HDAC1: variants seen among roughly 807,000 people sequenced by gnomAD.
HDAC1 encodes the protein protein deacetylase HDAC1.
A neutral mutation model predicts 65.5 loss-of-function variants in HDAC1; 18 were observed. The observed-to-expected ratio is 0.27, with a 90% confidence interval of 0.19 to 0.41. HDAC1 has a LOEUF of 0.41. HDAC1 is among the 10% of genes least tolerant of loss of function. The probability of loss-of-function intolerance (pLI) is 1.00; values close to 1 mark genes in which losing one functional copy is unlikely to be tolerated. For missense variants in HDAC1, 373 were observed against 625.2 expected (o/e 0.60, Z 4.30); for synonymous variants, 211 against 227.9 (o/e 0.93, Z 0.67).
rs757624480 is a variant in HDAC1 at position 32,327,021 on chromosome 1, G to A, written c.438G>A (p.Glu146=). The change falls in exon 5 of 14, where the codon GAG becomes GAA. Residue 146 remains glutamate, a synonymous_variant. Transcript: ENST00000373548. This position sits in a 1 kb window ranked among gnomAD's most constrained non-coding sequence, Gnocchi z 6.0. ...GCCTGCACCATGCAAAGAAGTCCGA[G>A]GCATCTGGCTTCTGTTACGTCAATG... ...AGGLHHAKKS[E]ASGFCYVNDI... is the part of the protein sequence containing the mutation. The A allele has an allele frequency of 1.9e-6, 3 of 1,613,962 alleles. No homozygotes were observed. The highest frequency in any genetic ancestry group is 1.7e-5 in the Admixed American group (1 of 59,990).
At position 32,327,972 on chromosome 1, in the gene HDAC1, G is replaced by A. The variant is rs1036855475; in HGVS notation, c.636+295G>A. Among the ~76,000 whole-genome samples the A allele has an allele frequency of 2.0e-5, 3 of 152,190 alleles. No individual in the cohort carries two copies. The highest frequency in any genetic ancestry group is 7.2e-5 in the African/African-American group (3 of 41,450). On this transcript the variant is annotated intron_variant, in intron 6 of 13. Coordinates refer to ENST00000373548, the MANE Select transcript of HDAC1 (RefSeq NM_004964.3). This position sits in a 1 kb window ranked among gnomAD's most constrained non-coding sequence, Gnocchi z 6.0. ...TGTCTCATAAGCCTTGAGTTTGGGG[G>A]TAGGAATTGGGACTCTGAAGGACAT...
intron 2 of HDAC1, among the ~76,000 whole-genome samples, chr1:32,308,468 A>T (rs1000164454): frequency 3.3e-5 from 5 of 152,208 alleles, no homozygotes; most frequent in African/African-American, 7.2e-5. Flanking sequence ...AAAATACTCC[A>T]AGTGAGATTT....
At chr1:32,302,786 A>G (rs1004191726) in intron 2 of HDAC1, 53 bp downstream of exon 2, 2 of 817,274 alleles carry the variant, frequency 2.4e-6, no homozygotes, top group Admixed American at 1.7e-5. Flanking sequence ...CTGGTTCCCC[A>G]TATGCCATTC....
rs77379902 is a variant in HDAC1 at position 32,331,481 on chromosome 1, A to G, written c.987A>G (p.Pro329=). 796 of 1,601,194 alleles carry G rather than the reference A, an allele frequency of 5.0e-4. 4 individuals carry two copies. In the African/African-American group the frequency reaches 9.8e-3, roughly 20 times the overall value. Residue 329 remains proline (P), a synonymous_variant, in exon 10 of 14, where the codon CCA becomes CCG. Transcript: ENST00000373548. This position sits in a 1 kb window ranked among gnomAD's most constrained non-coding sequence, Gnocchi z 4.2. ...CTCTCCTGCCCCAATCAGAGCTTCC[A>G]TACAATGACTACTTTGAATACTTTG... ...ALDTEIPNEL[P]YNDYFEYFGP... is the part of the protein sequence containing the mutation.
rs76564537 is a variant in HDAC1 at position 32,306,609 on chromosome 1, C to T, written c.162+3876C>T. On this transcript the variant is annotated intron_variant, in intron 2 of 13. Transcript: ENST00000373548. The stretch of plus-strand genomic sequence containing the variant: ...GTAGCACTTCTTTTTAATTTAATTA[C>T]GATTTTGATATACATTTCACTAATT... 3.3e-3 allele frequency among the ~76,000 whole-genome samples: 503 copies of T among 152,170 alleles called. 2 individuals carry two copies. Among genetic ancestry groups the T allele is most frequent in the African/African-American group, 0.011 (477 of 41,526 alleles).
chr1:32,313,902 T>C (rs58115367), intron 2 of HDAC1, among the ~76,000 whole-genome samples: 11,167 of 152,222 alleles, frequency 0.073, 1,350 homozygotes, highest in African/African-American at 0.25. Context: ...GTTCCTTGTG[T>C]TGAGCTGCGG....
chr1:32,309,621 A>C (rs1640961557), intron 2 of HDAC1, among the ~76,000 whole-genome samples: 2 of 145,056 alleles, frequency 1.4e-5, no homozygotes, highest in Non-Finnish European at 3.0e-5. Context: ...TGGGTGGCGG[A>C]GATTGCAGTG....
In HDAC1 at chr1:32,331,963, TCCTC is replaced by T; in HGVS notation, c.1220-122_1220-119del. 1 of 1,377,608 alleles carries T rather than the reference TCCTC, an allele frequency of 7.3e-7. No individual in the cohort carries two copies. Among genetic ancestry groups the T allele is most frequent in the East Asian group, 2.5e-5 (1 of 40,722 alleles). The allele number at this position is 1,377,608 out of a possible 1,614,324, so 85.3% of individuals were successfully genotyped here. A position where few individuals can be genotyped will look rare whatever the true frequency, so the allele number is the denominator to read the frequency against. Reference sequence around the variant, plus strand: ...TAGGAACAGGTTAGGGAGCCCGAGTTCCTCCCTCTTCTGGTTCCCTTTCCCTTGG... The same window carrying T: ...TAGGAACAGGTTAGGGAGCCCGAGTTCCTCTTCTGGTTCCCTTTCCCTTGG... On this transcript the variant is annotated intron_variant, in intron 11 of 13. Coordinates refer to ENST00000373548, the MANE Select transcript of HDAC1 (RefSeq NM_004964.3). This position sits in a 1 kb window ranked among gnomAD's most constrained non-coding sequence, Gnocchi z 4.2.
chr1:32,323,582 G>C (rs1641177862), intron 3 of HDAC1, among the ~76,000 whole-genome samples: 2 of 152,002 alleles, frequency 1.3e-5, no homozygotes, highest in Non-Finnish European at 2.9e-5. Flanking sequence ...GTTTTTGGTA[G>C]AGATGGGGTT....
intron 1 of HDAC1, chr1:32,292,426 G>A: frequency 3.0e-6 from 3 of 985,302 alleles, no homozygotes; most frequent in Non-Finnish European, 3.6e-6. Flanking sequence ...GATCGCGTGG[G>A]GGAAGCGTGA....
chr1:32,300,219 A>T (rs1379575881), intron 1 of HDAC1, among the ~76,000 whole-genome samples: 1 of 152,124 alleles, frequency 6.6e-6, no homozygotes, highest in Admixed American at 6.6e-5. Flanking sequence ...AGCCTCTGTG[A>T]TATACAAGGC....
At chr1:32,295,511 G>T (rs1640757592) in intron 1 of HDAC1, among the ~76,000 whole-genome samples, 1 of 152,116 alleles carries the variant, frequency 6.6e-6, no homozygotes. Flanking sequence ...GTGAGGGTCT[G>T]GTCTCTACTT....
chr1:32,301,598 C>T (rs186737662), intron 1 of HDAC1, among the ~76,000 whole-genome samples: 47 of 152,150 alleles, frequency 3.1e-4, no homozygotes, highest in African/African-American at 1.1e-3. Context: ...GGTGAAACCC[C>T]TTCTCTACTA....
rs113137789 is a variant in HDAC1, at chr1:32,331,329, G to A, written c.980-145G>A. The A allele has an allele frequency of 4.1e-3, 2,592 of 630,854 alleles. 5 individuals are homozygous for A. Among genetic ancestry groups the A allele is most frequent in the Non-Finnish European group, 5.9e-3 (2,033 of 346,122 alleles). 39.1% of individuals were successfully genotyped at this position (630,854 alleles called of 1,614,324 possible). A position where few individuals can be genotyped will look rare whatever the true frequency, so the allele number is the denominator to read the frequency against. On this transcript the variant is annotated intron_variant, in intron 9 of 13. Coordinates refer to ENST00000373548, the MANE Select transcript of HDAC1 (RefSeq NM_004964.3). The surrounding 1 kb of genome is among the most constrained non-coding windows in gnomAD (Gnocchi z 4.2). ...AAAGATGGAAATCCCATAGGTACCC[G>A]TGTCTCACAGTGTCTTGGAGGCATT...
intron 2 of HDAC1, among the ~76,000 whole-genome samples, chr1:32,304,596 G>A (rs1483445205): frequency 1.3e-5 from 2 of 151,076 alleles, no homozygotes; most frequent in Non-Finnish European, 3.0e-5. Flanking sequence ...TTGAGACAGG[G>A]TCTCACTCTG....
chr1:32,316,817 G>T (rs576997727), intron 3 of HDAC1, 35 bp downstream of exon 3: 3 of 1,309,076 alleles, frequency 2.3e-6, no homozygotes, highest in South Asian at 2.4e-5. Context: ...CTCTGAAGCC[G>T]CCAGTTGCAT....
intron 3 of HDAC1, among the ~76,000 whole-genome samples, chr1:32,322,094 A>G (rs367547665): frequency 1.6e-4 from 24 of 152,232 alleles, no homozygotes; most frequent in East Asian, 5.8e-4. Flanking sequence ...CTGTGTCTTG[A>G]GATTTTACCA....
chr1:32,313,985 A>T (rs1454759194), intron 2 of HDAC1, among the ~76,000 whole-genome samples: 1 of 152,214 alleles, frequency 6.6e-6, no homozygotes, highest in East Asian at 1.9e-4. Flanking sequence ...CATAAAGTAG[A>T]CAATAATCAT....
intron 1 of HDAC1, among the ~76,000 whole-genome samples, chr1:32,294,543 G>A (rs1248493007): frequency 9.4e-5 from 13 of 138,308 alleles, no homozygotes; most frequent in Admixed American, 9.4e-4. Flanking sequence ...ATGGAGTCTC[G>A]CTCTGTCGCC....
Sources: gnomAD v4.1 joint callset for allele counts (sites outside exome capture counted in the v4.1 genomes callset) on GRCh38, gnomAD v4.1.1 for gene constraint, Gnocchi (gnomAD v3.1) non-coding constraint, MANE v1.5 for transcripts, NCBI Gene and HGNC (gene_info 2026-07-23, HGNC 2026-07-21) for gene names.